Variants in DISP1 observed in about 807,000 individuals in gnomAD.
DISP1 encodes the protein dispatched RND transporter family member 1.
DISP1 carries 30 observed loss-of-function variants against 37.3 expected under a neutral mutation model. That is an observed-to-expected ratio of 0.80 (90% confidence interval 0.60 to 1.09). DISP1 has a LOEUF of 1.09. Among genes scored for constraint, DISP1 ranks in the 50% least tolerant of loss-of-function variants. The pLI, the probability that DISP1 is intolerant of heterozygous loss-of-function variation, is 0.00. For synonymous variants in DISP1, 634 were observed against 690.2 expected, an observed-to-expected ratio of 0.92 and a Z score of 1.28; for missense variants, 1,598 against 1,879.5, an observed-to-expected ratio of 0.85 and a Z score of 2.77.
chr1:222,926,432 G>C (rs1673088605), intron 1 of DISP1, among the ~76,000 whole-genome samples: 1 of 152,150 alleles, frequency 6.6e-6, no homozygotes, highest in African/African-American at 2.4e-5. Flanking sequence ...TATACAGTCA[G>C]TTCTCATTAT....
chr1:222,921,366 A>G (rs761717091), intron 1 of DISP1, among the ~76,000 whole-genome samples: 1 of 152,134 alleles, frequency 6.6e-6, no homozygotes, highest in Non-Finnish European at 1.5e-5. Context: ...ATACTTAATG[A>G]CTCACTATAA....
intron 3 of DISP1, among the ~76,000 whole-genome samples, chr1:222,955,379 C>A (rs930534706): frequency 6.6e-6 from 1 of 152,130 alleles, no homozygotes; most frequent in Non-Finnish European, 1.5e-5. Context: ...GCCACAGCAC[C>A]CAGCCTGAAG....
At chr1:222,880,334 G>T (rs1670207684) in intron 1 of DISP1, among the ~76,000 whole-genome samples, 1 of 152,122 alleles carries the variant, frequency 6.6e-6, no homozygotes, top group African/African-American at 2.4e-5. Flanking sequence ...ATGGGTGATT[G>T]TTATTTCATT....
intron 1 of DISP1, among the ~76,000 whole-genome samples, chr1:222,928,014 A>G (rs1673181134): frequency 6.6e-6 from 1 of 152,230 alleles, no homozygotes; most frequent in African/African-American, 2.4e-5. Context: ...AAATAAATGC[A>G]GATTGGTGTT....
At chr1:222,820,316 T>G (rs1031721213) in intron 1 of DISP1, among the ~76,000 whole-genome samples, 5 of 152,250 alleles carry the variant, frequency 3.3e-5, no homozygotes, top group Middle Eastern at 3.4e-3. Context: ...TTGGGGCACA[T>G]AGTGACGTGT....
chr1:222,827,682 T>C (rs1664765609), intron 1 of DISP1: 1 of 152,156 alleles, frequency 6.6e-6, no homozygotes, highest in South Asian at 2.1e-4. Flanking sequence ...GTTAGCTATC[T>C]AAAAAGCAAC....
chr1:222,941,999 T>C lies in DISP1; in HGVS notation c.-17-808T>C, dbSNP rs573110305. On this transcript the variant is annotated intron_variant, in intron 2 of 8. Coordinates refer to ENST00000675850, the MANE Select transcript of DISP1 (RefSeq NM_001377229.1). Reference sequence around the variant, plus strand: ...TGCAGTGAGCAAAGGGATAGGGAGATTGTCTGTTTTTTTGTTTGTTGATTG... The same window carrying C: ...TGCAGTGAGCAAAGGGATAGGGAGACTGTCTGTTTTTTTGTTTGTTGATTG... Among the ~76,000 whole-genome samples the C allele has an allele frequency of 2.0e-5, 3 of 151,798 alleles. No homozygotes were observed. The South Asian group carries it at 6.3e-4, about 32-fold the overall frequency.
At chr1:222,857,929 A>G (rs1195050029) in intron 1 of DISP1, among the ~76,000 whole-genome samples, 1 of 152,242 alleles carries the variant, frequency 6.6e-6, no homozygotes, top group Non-Finnish European at 1.5e-5. Flanking sequence ...AGAAGAAACT[A>G]TTTAAAAATT....
chr1:222,840,934 A>G (rs1252434591), intron 1 of DISP1, among the ~76,000 whole-genome samples: 1 of 152,212 alleles, frequency 6.6e-6, no homozygotes, highest in Non-Finnish European at 1.5e-5. Context: ...TTAGTTAAAT[A>G]CTATATGTAC....
intron 1 of DISP1, among the ~76,000 whole-genome samples, chr1:222,840,823 A>G (rs1474197358): frequency 6.6e-6 from 1 of 152,018 alleles, no homozygotes; most frequent in East Asian, 1.9e-4. Flanking sequence ...CGGCCTCCCA[A>G]AGTGCTGGGA....
intron 1 of DISP1, among the ~76,000 whole-genome samples, chr1:222,876,177 T>A (rs905992769): frequency 6.6e-6 from 1 of 152,238 alleles, no homozygotes; most frequent in Non-Finnish European, 1.5e-5. Flanking sequence ...TTTTAACTGC[T>A]AATCTTACTT....
chr1:222,975,894 A>G (rs1326852655), intron 3 of DISP1, among the ~76,000 whole-genome samples: 1 of 152,192 alleles, frequency 6.6e-6, no homozygotes, highest in African/African-American at 2.4e-5. Flanking sequence ...GCATACAGAA[A>G]TGCTTTCTTG....
At chr1:222,962,221 A>G (rs189392488) in intron 3 of DISP1, among the ~76,000 whole-genome samples, 1 of 152,300 alleles carries the variant, frequency 6.6e-6, no homozygotes, top group Non-Finnish European at 1.5e-5. Flanking sequence ...GAATACAGCT[A>G]ACAAGGGATG....
chr1:223,005,647 G>A lies in DISP1; in HGVS notation c.4250G>A (p.Cys1417Tyr), dbSNP rs2102811410. Residue 1417 changes from cysteine to tyrosine, a missense_variant, in exon 9 of 9, where the codon TGT (cysteine) becomes TAT (tyrosine). Transcript: ENST00000675850. Reference protein sequence around the residue: ...CDPENKQRELCKNRDVSNLES... With the variant: ...CDPENKQRELYKNRDVSNLES... ...CCCGAGAATAAACAAAGGGAACTCT[G>A]TAAAAATAGAGACGTGAGCAATCTG... 2 of 1,614,014 alleles carry A rather than the reference G, an allele frequency of 1.2e-6. No homozygotes were observed. The highest frequency in any genetic ancestry group is 4.5e-5 in the East Asian group (2 of 44,886).
At chr1:222,980,619 C>CT (rs1677762524) in intron 3 of DISP1, among the ~76,000 whole-genome samples, 2 of 152,048 alleles carry the variant, frequency 1.3e-5, no homozygotes, top group Non-Finnish European at 2.9e-5. Flanking sequence ...ATACATTATA[C>CT]TAGTTATGGA....
chr1:222,896,462 G>A (rs2125396749), intron 1 of DISP1, among the ~76,000 whole-genome samples: 1 of 152,182 alleles, frequency 6.6e-6, no homozygotes, highest in East Asian at 1.9e-4. Flanking sequence ...TTAGCTGGGT[G>A]TGCTGGTGGG....
intron 8 of DISP1, among the ~76,000 whole-genome samples, chr1:222,999,283 G>A (rs1488802734): frequency 6.6e-6 from 1 of 152,070 alleles, no homozygotes; most frequent in Non-Finnish European, 1.5e-5. Context: ...CCTCATGAGA[G>A]GTATAAGAAG....
intron 1 of DISP1, among the ~76,000 whole-genome samples, chr1:222,868,718 T>C (rs1669343134): frequency 6.6e-6 from 1 of 152,162 alleles, no homozygotes; most frequent in South Asian, 2.1e-4. Context: ...GACTCTACTC[T>C]GGTATTTCTA....
rs77445172 is a variant in DISP1 at position 222,841,198 on chromosome 1, C to G, written c.-159+26120C>G. ...TTCTTTTGTTAGCATATTTTATTTT[C>G]TTTCTCTACATATTTGACTCCTTCC... On this transcript the variant is annotated intron_variant, in intron 1 of 8. Transcript: ENST00000675850. 5.6e-3 allele frequency among the ~76,000 whole-genome samples: 849 copies of G among 152,168 alleles called. 14 individuals carry two copies. The highest frequency in any genetic ancestry group is 0.019 in the African/African-American group (792 of 41,528).
Sources: gnomAD v4.1 joint callset for allele counts (sites outside exome capture counted in the v4.1 genomes callset) on GRCh38, gnomAD v4.1.1 for gene constraint, MANE v1.5 for transcripts, NCBI Gene and HGNC (gene_info 2026-07-23, HGNC 2026-07-21) for gene names.